ACBD6: variants seen among roughly 807,000 people sequenced by gnomAD.
ACBD6 encodes acyl-CoA-binding domain-containing protein 6.
A neutral mutation model predicts 37.2 loss-of-function variants in ACBD6; 28 were observed. The ratio of observed to expected loss-of-function variants is 0.75; its 90% CI spans 0.56 to 1.03. The LOEUF (loss-of-function observed/expected upper bound fraction) is 1.03, where lower values mean the gene tolerates loss of function less well. Ranked by LOEUF, ACBD6 falls within the 50% of genes least tolerant of loss-of-function variation. The probability of loss-of-function intolerance (pLI) is 0.00; values close to 1 mark genes in which losing one functional copy is unlikely to be tolerated. For synonymous variants in ACBD6, 113 were observed against 126.8 expected, an observed-to-expected ratio of 0.89 and a Z score of 0.73; for missense variants, 340 against 337.4, an observed-to-expected ratio of 1.01 and a Z score of -0.06.
At position 180,367,064 on chromosome 1, in the gene ACBD6, G is replaced by A. The variant is rs1174514770; in HGVS notation, c.663+30452C>T. On this transcript the variant is annotated intron_variant, in intron 6 of 7. Transcript: ENST00000367595. ...GATAATGCTACACAGATTCCTGTAA[G>A]GATAAAATGAGCTAATACAGAAAAA... 7.2e-5 allele frequency among the ~76,000 whole-genome samples: 11 copies of A among 152,288 alleles called. No individual in the cohort carries two copies. In the East Asian group the frequency reaches 1.9e-3, roughly 27 times the overall value.
At chr1:180,353,461 A>C (rs1445263410) in intron 6 of ACBD6, among the ~76,000 whole-genome samples, 1 of 152,184 alleles carries the variant, frequency 6.6e-6, no homozygotes, top group Non-Finnish European at 1.5e-5. Flanking sequence ...ACATCTATCC[A>C]ATCAGTTCAA....
chr1:180,401,338 G>T (rs2101956556), intron 5 of ACBD6, among the ~76,000 whole-genome samples: 1 of 152,286 alleles, frequency 6.6e-6, no homozygotes. Flanking sequence ...AACCTATTAA[G>T]TGGTATTACT....
intron 3 of ACBD6, among the ~76,000 whole-genome samples, chr1:180,465,625 C>G (rs529868428): frequency 4.4e-4 from 67 of 152,194 alleles, no homozygotes; most frequent in African/African-American, 1.5e-3. Flanking sequence ...GAGCTGAAAA[C>G]AGAACTACCA....
rs189369630 is a variant in ACBD6 at position 180,354,232 on chromosome 1, T to C, written c.664-39510A>G. On this transcript the variant is annotated intron_variant, in intron 6 of 7. Transcript: ENST00000367595. The stretch of plus-strand genomic sequence containing the variant: ...TCCCAACAGATGAATAGAATACTGA[T>C]GTCTTGTCAGCCCAGATCACAAAAG... 1.8e-3 allele frequency among the ~76,000 whole-genome samples: 276 copies of C among 152,366 alleles called. 1 individual carries two copies. The highest frequency in any genetic ancestry group is 0.013 in the South Asian group (62 of 4,832).
At chr1:180,270,501 C>T (rs2794963) in exon 14 of ACBD6, 8,681 of 152,300 alleles carry the variant, frequency 0.057, 355 homozygotes, top group Non-Finnish European at 0.078. Context: ...TCCGAACACA[C>T]GCACGCGCCT....
chr1:180,315,012 A>G (rs1650742157), intron 6 of ACBD6, among the ~76,000 whole-genome samples: 1 of 152,168 alleles, frequency 6.6e-6, no homozygotes, highest in South Asian at 2.1e-4. Context: ...AAAGTGAGGC[A>G]GTTTGGTTAC....
chr1:180,497,012 A>G (rs1196420175), intron 1 of ACBD6, among the ~76,000 whole-genome samples: 1 of 152,214 alleles, frequency 6.6e-6, no homozygotes, highest in Non-Finnish European at 1.5e-5. Flanking sequence ...TCCAAAGCTC[A>G]ATATCCCTTT....
At chr1:180,473,446 C>CAA (rs5779059) in intron 3 of ACBD6, among the ~76,000 whole-genome samples, 101 of 81,314 alleles carry the variant, frequency 1.2e-3, no homozygotes, top group Non-Finnish European at 1.5e-3. Flanking sequence ...GACTCCGTCT[C>CAA]AAAAAAAAAA....
chr1:180,331,950 T>C (rs1177236925), intron 6 of ACBD6, among the ~76,000 whole-genome samples: 2 of 152,180 alleles, frequency 1.3e-5, no homozygotes, highest in African/African-American at 4.8e-5. Flanking sequence ...TGTCTAATTA[T>C]CCATTTCTCT....
At chr1:180,397,690 T>A (rs1654315039) in intron 5 of ACBD6, 85 bp from the exon 6 acceptor site, 1 of 1,100,330 alleles carries the variant, frequency 9.1e-7, no homozygotes, top group African/African-American at 1.6e-5. Flanking sequence ...GACAAGGAAA[T>A]ATAAAAAATT....
intron 6 of ACBD6, among the ~76,000 whole-genome samples, chr1:180,391,343 A>C (rs1054281979): frequency 3.3e-5 from 5 of 152,172 alleles, no homozygotes; most frequent in Non-Finnish European, 5.9e-5. Flanking sequence ...GTTTTAAAGG[A>C]CACTATCAAG....
At chr1:180,274,250 G>C (rs1648882598) in intron 10 of ACBD6, 1 of 1,614,108 alleles carries the variant, frequency 6.2e-7, no homozygotes, top group Non-Finnish European at 8.5e-7. Context: ...GGACGTTACA[G>C]GCGGACAGTT....
chr1:180,436,310 C>T (rs1273779915), intron 3 of ACBD6, among the ~76,000 whole-genome samples: 1 of 152,122 alleles, frequency 6.6e-6, no homozygotes, highest in Non-Finnish European at 1.5e-5. Context: ...GTTTATCTAA[C>T]CCTAATTGAT....
At chr1:180,394,432 G>A (rs1322861400) in intron 6 of ACBD6, among the ~76,000 whole-genome samples, 1 of 151,422 alleles carries the variant, frequency 6.6e-6, no homozygotes, top group African/African-American at 2.4e-5. Flanking sequence ...AGTGGTAATA[G>A]TGGTTGGGGA....
At chr1:180,396,573 T>C (rs1016882419) in intron 6 of ACBD6, among the ~76,000 whole-genome samples, 2 of 152,086 alleles carry the variant, frequency 1.3e-5, no homozygotes, top group African/African-American at 2.4e-5. Context: ...ATCCAGAATA[T>C]ATAAAGCACT....
chr1:180,318,378 T>G (rs1339184229), intron 6 of ACBD6, among the ~76,000 whole-genome samples: 1 of 152,096 alleles, frequency 6.6e-6, no homozygotes, highest in Non-Finnish European at 1.5e-5. Flanking sequence ...TTATTTGAAC[T>G]GAGGGAGGGG....
intron 6 of ACBD6, among the ~76,000 whole-genome samples, chr1:180,349,253 A>C (rs1484455128): frequency 8.6e-6 from 1 of 116,784 alleles, no homozygotes; most frequent in South Asian, 2.5e-4. Context: ...AATATAAATA[A>C]AAAATTTTAA....
At chr1:180,282,478 G>C (rs1294414678) in intron 8 of ACBD6, among the ~76,000 whole-genome samples, 1 of 152,292 alleles carries the variant, frequency 6.6e-6, no homozygotes, top group East Asian at 1.9e-4. Context: ...GAGAGCCCAG[G>C]CAAGAACTTT....
intron 9 of ACBD6, chr1:180,276,989 C>T (rs2149270859): frequency 6.6e-6 from 1 of 152,294 alleles, no homozygotes; most frequent in South Asian, 2.1e-4. Flanking sequence ...TCTTGAGGAA[C>T]TCAGTGAGCA....
Sources: allele counts gnomAD v4.1 joint callset (sites outside exome capture counted in the v4.1 genomes callset), GRCh38; gene constraint gnomAD v4.1.1; transcripts MANE v1.5; gene names NCBI Gene and HGNC (gene_info 2026-07-23, HGNC 2026-07-21).